PHF14: variants seen among roughly 807,000 people sequenced by gnomAD.
PHF14 encodes the protein PHD finger protein 14.
In PHF14, 55 loss-of-function variants were observed where a neutral mutation model predicts 117.9. The ratio of observed to expected loss-of-function variants is 0.47; its 90% CI spans 0.38 to 0.58. The LOEUF is 0.58. Ranked by LOEUF, PHF14 falls within the 20% of genes least tolerant of loss-of-function variation. The pLI is 0.00. For missense variants in PHF14, 978 were observed against 1,122.2 expected (o/e 0.87, Z 1.84); for synonymous variants, 409 against 368.6 (o/e 1.11, Z -1.26).
intron 17 of PHF14, among the ~76,000 whole-genome samples, chr7:11,152,181 A>G: frequency 6.6e-6 from 1 of 152,158 alleles, no homozygotes; most frequent in Middle Eastern, 3.2e-3. Flanking sequence ...CATTGAGCAA[A>G]AATTGGATTG....
Position 11,103,219 on chromosome 7 carries a change from C to G in PHF14, c.2655-8131C>G. 4.2e-6 allele frequency: 4 copies of G among 945,864 alleles called. No homozygotes were observed. In the South Asian group the frequency reaches 2.0e-4, roughly 46 times the overall value. The allele number at this position is 945,864 out of a possible 1,614,324, so 58.6% of individuals were successfully genotyped here. On this transcript the variant is annotated intron_variant, in intron 16 of 17. Coordinates refer to ENST00000634607, the MANE Select transcript of PHF14 (RefSeq NM_001007157.2). ...TATTATTAGCATGAAATTTTTACTT[C>G]AGATTTTAAGCTCATGAATAAAGAT...
intron 17 of PHF14, among the ~76,000 whole-genome samples, chr7:11,157,121 C>G (rs1304282778): frequency 6.6e-6 from 1 of 152,132 alleles, no homozygotes. Flanking sequence ...TGCCTCTCTA[C>G]CACACTGGGG....
chr7:11,068,428 C>CAGTTACAG (rs1394574367), intron 16 of PHF14, among the ~76,000 whole-genome samples: 1 of 149,022 alleles, frequency 6.7e-6, no homozygotes, highest in Non-Finnish European at 1.5e-5. Flanking sequence ...TAAAATAAAC[C>CAGTTACAG]AGTTACAGAA....
At chr7:10,981,403 A>G (rs1782039972) in intron 2 of PHF14, among the ~76,000 whole-genome samples, 1 of 152,040 alleles carries the variant, frequency 6.6e-6, no homozygotes, top group Non-Finnish European at 1.5e-5. Context: ...TTAGATTGTT[A>G]TTTACTTAAT....
intron 17 of PHF14, among the ~76,000 whole-genome samples, chr7:11,141,477 A>C (rs1168747452): frequency 6.6e-6 from 1 of 152,090 alleles, no homozygotes; most frequent in Non-Finnish European, 1.5e-5. Context: ...AAGTATATAT[A>C]TCTCACAGTA....
chr7:11,044,158 G>A (rs1469906448), intron 13 of PHF14, among the ~76,000 whole-genome samples: 1 of 151,996 alleles, frequency 6.6e-6, no homozygotes, highest in Non-Finnish European at 1.5e-5. Context: ...ATAAAGATGG[G>A]GCCTACTAGA....
At chr7:11,116,222 T>C (rs1787598444) in intron 17 of PHF14, among the ~76,000 whole-genome samples, 1 of 152,028 alleles carries the variant, frequency 6.6e-6, no homozygotes, top group Admixed American at 6.6e-5. Flanking sequence ...AGGTACTTTC[T>C]TGCCGAAGGT....
chr7:11,040,254 G>A (rs1784457026), intron 11 of PHF14, among the ~76,000 whole-genome samples: 1 of 152,020 alleles, frequency 6.6e-6, no homozygotes, highest in South Asian at 2.1e-4. Flanking sequence ...CACTTGCTTT[G>A]TTGGAGAGTT....
chr7:11,115,473 A>T (rs1787569965), intron 17 of PHF14, among the ~76,000 whole-genome samples: 1 of 152,060 alleles, frequency 6.6e-6, no homozygotes, highest in African/African-American at 2.4e-5. Context: ...ATACATATTT[A>T]TGTTGAGGTG....
At chr7:11,150,212 A>G (rs925066301) in intron 17 of PHF14, among the ~76,000 whole-genome samples, 3 of 152,176 alleles carry the variant, frequency 2.0e-5, no homozygotes, top group African/African-American at 7.2e-5. Context: ...TGGGGAAAGA[A>G]CATCCAAGAG....
At chr7:11,119,651 G>C (rs1228454117) in intron 17 of PHF14, among the ~76,000 whole-genome samples, 1 of 151,782 alleles carries the variant, frequency 6.6e-6, no homozygotes, top group Non-Finnish European at 1.5e-5. Flanking sequence ...GAGTAATTTG[G>C]TTCCTCTAAT....
chr7:11,044,832 C>T (rs1784614492), intron 13 of PHF14, among the ~76,000 whole-genome samples: 1 of 151,992 alleles, frequency 6.6e-6, no homozygotes, highest in South Asian at 2.1e-4. Flanking sequence ...GTGCTGGGGA[C>T]CAGAAGTGAT....
intron 17 of PHF14, among the ~76,000 whole-genome samples, chr7:11,144,283 G>A (rs1157461302): frequency 6.6e-6 from 1 of 151,926 alleles, no homozygotes; most frequent in African/African-American, 2.4e-5. Context: ...AATTCATGCA[G>A]CCATTATGGA....
intron 5 of PHF14, among the ~76,000 whole-genome samples, chr7:11,014,208 T>C (rs1052194434): frequency 2.0e-5 from 3 of 152,218 alleles, no homozygotes; most frequent in African/African-American, 7.2e-5. Context: ...TCAGATTATT[T>C]AAATAACTTA....
intron 12 of PHF14, among the ~76,000 whole-genome samples, chr7:11,041,092 TTGAA>T (rs71913035): frequency 0.12 from 18,579 of 151,918 alleles, 1,512 homozygotes; most frequent in African/African-American, 0.24. Flanking sequence ...TTTATTTTAC[TTGAA>T]TGAATTGTAG....
chr7:11,123,873 G>A (rs539526860), intron 17 of PHF14, among the ~76,000 whole-genome samples: 2 of 150,810 alleles, frequency 1.3e-5, no homozygotes, highest in East Asian at 1.9e-4. Flanking sequence ...AGCCGAGATC[G>A]TGCCACTACA....
At chr7:11,118,902 CAT>C (rs1437795415) in intron 17 of PHF14, among the ~76,000 whole-genome samples, 1 of 151,670 alleles carries the variant, frequency 6.6e-6, no homozygotes, top group Non-Finnish European at 1.5e-5. Context: ...TTATGATACA[CAT>C]ATTTTGATAT....
intron 13 of PHF14, among the ~76,000 whole-genome samples, chr7:11,043,341 G>T (rs910543745): frequency 2.6e-5 from 4 of 151,644 alleles, no homozygotes; most frequent in African/African-American, 9.7e-5. Context: ...AAAGGTTATA[G>T]TATCTATAAT....
At chr7:10,979,433 T>C (rs1000295564) in intron 2 of PHF14, among the ~76,000 whole-genome samples, 1 of 142,316 alleles carries the variant, frequency 7.0e-6, no homozygotes, top group African/African-American at 2.5e-5. Flanking sequence ...AAGTAGGATT[T>C]CAATTTTAAA....
Sources: allele counts gnomAD v4.1 joint callset (sites outside exome capture counted in the v4.1 genomes callset), GRCh38; gene constraint gnomAD v4.1.1; transcripts MANE v1.5; gene names NCBI Gene and HGNC (gene_info 2026-07-23, HGNC 2026-07-21).